The following RMST variants were observed in gnomAD, a reference collection of about 807,000 sequenced individuals.
RMST encodes long intergenic non-protein coding RNA 54.
chr12:97,551,082 C>T (rs1053090224), intron 11 of RMST, among the ~76,000 whole-genome samples: 2 of 151,270 alleles, frequency 1.3e-5, no homozygotes, highest in African/African-American at 4.9e-5. Context: ...ATTCTTTCTA[C>T]AACACCACAA....
chr12:97,541,631 T>C (rs1405162801), intron 11 of RMST, among the ~76,000 whole-genome samples: 1 of 150,374 alleles, frequency 6.7e-6, no homozygotes, highest in Non-Finnish European at 1.5e-5. Flanking sequence ...GGAACTTAGA[T>C]CTCCCTCAGG....
At chr12:97,523,989 T>C (rs1490544071) in intron 10 of RMST, among the ~76,000 whole-genome samples, 1 of 140,674 alleles carries the variant, frequency 7.1e-6, no homozygotes, top group Non-Finnish European at 1.5e-5. Context: ...AGCGGGAGAA[T>C]GGCGTGACCC....
At chr12:97,516,138 G>A (rs141536936) in intron 10 of RMST, among the ~76,000 whole-genome samples, 1 of 152,088 alleles carries the variant, frequency 6.6e-6, no homozygotes, top group African/African-American at 2.4e-5. Flanking sequence ...TATGTCAACA[G>A]TAGTTGACTA....
chr12:97,463,419 C>G (rs1228530249), intron 4 of RMST: 1 of 152,336 alleles, frequency 6.6e-6, no homozygotes, highest in Admixed American at 6.5e-5. Context: ...TGCCTGCAAA[C>G]CTGTGTTCTC....
At chr12:97,508,169 G>T (rs1347150505) in intron 10 of RMST, among the ~76,000 whole-genome samples, 2 of 152,172 alleles carry the variant, frequency 1.3e-5, no homozygotes, top group Non-Finnish European at 2.9e-5. Context: ...TTCAGAGTCA[G>T]CAATGGTAAG....
intron 10 of RMST, among the ~76,000 whole-genome samples, chr12:97,507,441 C>T (rs868537898): frequency 6.6e-6 from 1 of 152,046 alleles, no homozygotes; most frequent in South Asian, 2.1e-4. Flanking sequence ...ATGAGGAAGA[C>T]AGACTAGATT....
At chr12:97,486,661 A>G in intron 5 of RMST, among the ~76,000 whole-genome samples, 1 of 152,208 alleles carries the variant, frequency 6.6e-6, no homozygotes, top group Non-Finnish European at 1.5e-5. Context: ...TATTTCTGAC[A>G]TGTTGAGTGT....
intron 11 of RMST, among the ~76,000 whole-genome samples, chr12:97,553,770 C>G (rs1020091367): frequency 2.6e-5 from 4 of 151,998 alleles, no homozygotes; most frequent in African/African-American, 9.7e-5. Context: ...TACTAGTTTT[C>G]TGACCAAGTC....
chr12:97,487,550 G>C (rs879668245), intron 5 of RMST, among the ~76,000 whole-genome samples: 1 of 152,124 alleles, frequency 6.6e-6, no homozygotes, highest in Non-Finnish European at 1.5e-5. Context: ...CAAGCAGCTG[G>C]GGTGGAGAGA....
At chr12:97,478,068 G>T (rs1874777705) in intron 5 of RMST, among the ~76,000 whole-genome samples, 1 of 152,160 alleles carries the variant, frequency 6.6e-6, no homozygotes, top group East Asian at 1.9e-4. Flanking sequence ...TGCTTTTGGA[G>T]ACAGTGGCAT....
intron 11 of RMST, among the ~76,000 whole-genome samples, chr12:97,547,080 T>A (rs1882994412): frequency 6.6e-6 from 1 of 151,638 alleles, no homozygotes; most frequent in Admixed American, 6.6e-5. Context: ...ATTTCACTTA[T>A]TTCATTTCAC....
At chr12:97,520,003 G>T (rs1880347327) in intron 10 of RMST, among the ~76,000 whole-genome samples, 1 of 152,154 alleles carries the variant, frequency 6.6e-6, no homozygotes, top group African/African-American at 2.4e-5. Flanking sequence ...ACTGTTTTAA[G>T]GAACAGGAAA....
At chr12:97,510,595 T>A (rs1413654584) in intron 10 of RMST, among the ~76,000 whole-genome samples, 2 of 152,232 alleles carry the variant, frequency 1.3e-5, no homozygotes, top group African/African-American at 4.8e-5. Context: ...ATCTTAGTTA[T>A]TCTATTTGAA....
intron 11 of RMST, among the ~76,000 whole-genome samples, chr12:97,553,722 A>G (rs1372200632): frequency 2.6e-5 from 4 of 152,088 alleles, no homozygotes. Context: ...GTAGACTCAA[A>G]TCAAATAAGC....
At chr12:97,544,192 A>G (rs576322987) in intron 11 of RMST, among the ~76,000 whole-genome samples, 54 of 152,184 alleles carry the variant, frequency 3.5e-4, no homozygotes, top group African/African-American at 1.3e-3. Context: ...AAATGGAAAA[A>G]TTGGTATTGG....
At chr12:97,507,907 T>A (rs1237106698) in intron 10 of RMST, among the ~76,000 whole-genome samples, 1 of 152,064 alleles carries the variant, frequency 6.6e-6, no homozygotes, top group African/African-American at 2.4e-5. Context: ...AATGGAAGAG[T>A]CTGTCAAAGT....
At chr12:97,533,306 T>C (rs951472666) in intron 11 of RMST, 4 of 151,842 alleles carry the variant, frequency 2.6e-5, no homozygotes, top group East Asian at 1.9e-4. Flanking sequence ...TCTATTCTAG[T>C]TCAGTGCCAA....
At chr12:97,516,378 C>T (rs1382176124) in intron 10 of RMST, among the ~76,000 whole-genome samples, 1 of 151,990 alleles carries the variant, frequency 6.6e-6, no homozygotes, top group East Asian at 1.9e-4. Context: ...CAGTACATAA[C>T]TTATTCATCA....
chr12:97,557,121 C>T (rs926438990), intron 11 of RMST, among the ~76,000 whole-genome samples: 27 of 152,204 alleles, frequency 1.8e-4, no homozygotes, highest in African/African-American at 6.5e-4. Context: ...AATAGAATCA[C>T]AGTCCTGATG....
Sources: gnomAD v4.1 joint callset for allele counts (sites outside exome capture counted in the v4.1 genomes callset) on GRCh38, gnomAD v4.1.1 for gene constraint, MANE v1.5 for transcripts, NCBI Gene and HGNC (gene_info 2026-07-23, HGNC 2026-07-21) for gene names.